Variants in SHC2 observed in about 807,000 individuals in gnomAD.
SHC2 encodes SHC-transforming protein 2.
Under a neutral mutation model 60.6 loss-of-function variants are expected in SHC2, and 62 were observed. That is an observed-to-expected ratio of 1.02 (90% CI 0.83 to 1.26). The LOEUF is 1.26. Among genes scored for constraint, SHC2 ranks in the 50% most tolerant of loss-of-function variants. SHC2 has a pLI of 0.00. For missense variants in SHC2, 873 were observed against 822.2 expected, an observed-to-expected ratio of 1.06 and a Z score of -0.76; for synonymous variants, 375 against 372.4, an observed-to-expected ratio of 1.01 and a Z score of -0.08.
intron 11 of SHC2, among the ~76,000 whole-genome samples, chr19:420,095 A>G (rs896304485): frequency 7.2e-5 from 11 of 152,322 alleles, no homozygotes; most frequent in African/African-American, 2.6e-4. Flanking sequence ...GACGTTCTGA[A>G]GCTTCTCCAG....
At chr19:450,481 G>A (rs1354249036) in intron 1 of SHC2, among the ~76,000 whole-genome samples, 1 of 151,456 alleles carries the variant, frequency 6.6e-6, no homozygotes, top group Non-Finnish European at 1.5e-5. Flanking sequence ...AACTCAAACT[G>A]ACCCCACAAA....
At position 446,575 on chromosome 19, in the gene SHC2, G is replaced by A. The variant is rs1271628275; in HGVS notation, c.469-5643C>T. Among the ~76,000 whole-genome samples the A allele has an allele frequency of 6.6e-6, 1 of 152,154 alleles. No individual in the cohort carries two copies. The highest frequency in any genetic ancestry group is 2.4e-5 in the African/African-American group (1 of 41,428). ...CCGCCTCGGTCTCCCAAAGTGCTGG[G>A]ACTACAGGCGTGAGTCACCGCGCCC... On this transcript the variant is annotated intron_variant, in intron 1 of 12. Coordinates refer to ENST00000264554, the MANE Select transcript of SHC2 (RefSeq NM_012435.3). This position sits in a 1 kb window ranked among gnomAD's most constrained non-coding sequence, Gnocchi z 5.4.
chr19:446,663 C>T lies in SHC2; in HGVS notation c.469-5731G>A, dbSNP rs1600313482. Among the ~76,000 whole-genome samples, 1 of 152,270 alleles carries T rather than the reference C, an allele frequency of 6.6e-6. No homozygotes were observed. Among genetic ancestry groups the T allele is most frequent in the South Asian group, 2.1e-4 (1 of 4,820 alleles). On this transcript the variant is annotated intron_variant, in intron 1 of 12. Transcript: ENST00000264554. The surrounding 1 kb of genome is among the most constrained non-coding windows in gnomAD (Gnocchi z 5.4). ...GGTTTGTGGTGGCAGCCCCGGGACC[C>T]TCCCACAGAAGATGGGGAGGAGCCC...
chr19:443,270 G>C (rs187693005), intron 1 of SHC2, among the ~76,000 whole-genome samples: 428 of 146,872 alleles, frequency 2.9e-3, no homozygotes, highest in Non-Finnish European at 5.0e-3. Flanking sequence ...GGATGGATGG[G>C]TGGGTGGATG....
rs1374421565 is a variant in SHC2, at chr19:434,835, C to A, written c.984G>T (p.Gly328=). 1 of 1,612,136 alleles carries A rather than the reference C, an allele frequency of 6.2e-7. No individual in the cohort carries two copies. Among genetic ancestry groups the A allele is most frequent in the South Asian group, 1.1e-5 (1 of 91,070 alleles). Residue 328 remains glycine (G), a synonymous_variant, in exon 8 of 13, where the codon GGG becomes GGT. Transcript: ENST00000264554. ...RLAGPEESAW[G]DEEDSLEHNY... ...TGTGCTCCAAAGAGTCCTCCTCGTC[C>A]CCCCAGGCCGACTCCTCCGGCCCTG...
intron 1 of SHC2, among the ~76,000 whole-genome samples, chr19:443,333 G>GATGGATGT: frequency 6.7e-6 from 1 of 150,122 alleles, no homozygotes; most frequent in South Asian, 2.1e-4. Flanking sequence ...TGGATGGATG[G>GATGGATGT]GTGGATGGAT....
intron 1 of SHC2, among the ~76,000 whole-genome samples, chr19:444,715 G>T (rs1006249626): frequency 1.3e-5 from 2 of 152,212 alleles, no homozygotes; most frequent in African/African-American, 4.8e-5. Flanking sequence ...CGCTTGTCAC[G>T]TGTAAGTCTC....
intron 1 of SHC2, among the ~76,000 whole-genome samples, chr19:458,766 G>C (rs1305018855): frequency 7.0e-6 from 1 of 142,712 alleles, no homozygotes; most frequent in East Asian, 2.0e-4. Context: ...CCGGGGAGGC[G>C]GAGGCGGGTT....
At chr19:447,973 C>T (rs1975088833) in intron 1 of SHC2, among the ~76,000 whole-genome samples, 1 of 152,232 alleles carries the variant, frequency 6.6e-6, no homozygotes, top group African/African-American at 2.4e-5. Context: ...ACAGTGTCAA[C>T]ATCTGTCTCC....
At position 422,325 on chromosome 19, in the gene SHC2, G is replaced by A. The variant is rs1391306254; in HGVS notation, c.1441C>T (p.Gln481Ter). The change falls in exon 11 of 13, where the codon CAG (glutamine) becomes TAG (stop). Residue 481 changes from glutamine to a stop codon, truncating the protein, a stop_gained. Transcript: ENST00000264554. LOFTEE classifies it high-confidence loss of function. The surrounding 1 kb of genome is among the most constrained non-coding windows in gnomAD (Gnocchi z 5.0). ...TGGTACCAGGGCTCCTGACGCAGCT[G>A]TTCCTCCGTGGGGGCCACAGGGGCC... is the stretch of plus-strand genomic sequence containing the variant. ...RRAPVAPTEE[Q>*]LRQEPWYHGR... is the part of the protein sequence containing the mutation. The A allele has an allele frequency of 1.2e-6, 2 of 1,610,774 alleles. No individual in the cohort carries two copies. The highest frequency in any genetic ancestry group is 2.2e-5 in the East Asian group (1 of 44,804).
At chr19:442,810 A>ATGG (rs1974924126) in intron 1 of SHC2, among the ~76,000 whole-genome samples, 2 of 14,526 alleles carry the variant, frequency 1.4e-4, no homozygotes, top group East Asian at 2.5e-3. Context: ...TGGGTGGATG[A>ATGG]GTGGATGGGT....
In SHC2 at chr19:422,745, T is replaced by C. The variant is rs1197640058; in HGVS notation, c.1310-289A>G. 2 of 321,326 alleles carry C rather than the reference T, an allele frequency of 6.2e-6. No homozygotes were observed. Among genetic ancestry groups the C allele is most frequent in the Non-Finnish European group, 1.1e-5 (2 of 175,958 alleles). 19.9% of individuals were successfully genotyped at this position (321,326 alleles called of 1,614,324 possible). A position where few individuals can be genotyped will look rare whatever the true frequency, so the allele number is the denominator to read the frequency against. On this transcript the variant is annotated intron_variant, in intron 10 of 12. Transcript: ENST00000264554. The surrounding 1 kb of genome is among the most constrained non-coding windows in gnomAD (Gnocchi z 5.0). ...TTTCAGAGGTTAACTCCTATTTCTT[T>C]TTCCTGCCTTGTCAGGTGGGCTTCC...
intron 1 of SHC2, among the ~76,000 whole-genome samples, chr19:448,761 A>T (rs1975106658): frequency 6.6e-6 from 1 of 152,164 alleles, no homozygotes. Context: ...AGGCAGACAC[A>T]AACTGAGGGA....
At position 440,798 on chromosome 19, in the gene SHC2, C is replaced by T; in HGVS notation, c.539+64G>A. 1 of 1,418,454 alleles carries T rather than the reference C, an allele frequency of 7.0e-7. No individual in the cohort carries two copies. The highest frequency in any genetic ancestry group is 9.9e-7 in the Non-Finnish European group (1 of 1,013,568). The allele number at this position is 1,418,454 out of a possible 1,614,324, so 87.9% of individuals were successfully genotyped here. ...CGGAGAGCCCATCGCTGCCGCCCTCCAGTGCTGCCGCCCTCCAGTGCGTCA... is the reference window on the plus strand; with the variant it reads ...CGGAGAGCCCATCGCTGCCGCCCTCTAGTGCTGCCGCCCTCCAGTGCGTCA... On this transcript the variant is annotated intron_variant, in intron 2 of 12. Coordinates refer to ENST00000264554, the MANE Select transcript of SHC2 (RefSeq NM_012435.3). The surrounding 1 kb of genome is among the most constrained non-coding windows in gnomAD (Gnocchi z 7.0).
Position 429,985 on chromosome 19 carries a change from C to T in SHC2, c.1174+699G>A, listed in dbSNP as rs535475987. Among the ~76,000 whole-genome samples, 21 of 138,576 alleles carry T rather than the reference C, an allele frequency of 1.5e-4. No homozygotes were observed. In the East Asian group the frequency reaches 3.7e-3, roughly 25 times the overall value. The allele number at this position is 138,576 out of a possible 152,430, so 90.9% of individuals were successfully genotyped here. A position where few individuals can be genotyped will look rare whatever the true frequency, so the allele number is the denominator to read the frequency against. ...CCATGTGGATGACGCAGTACCTATA[C>T]CCAACATGCACGGAAACCTAACACC... On this transcript the variant is annotated intron_variant, in intron 9 of 12. Coordinates refer to ENST00000264554, the MANE Select transcript of SHC2 (RefSeq NM_012435.3).
intron 7 of SHC2, among the ~76,000 whole-genome samples, chr19:435,310 AG>A (rs1327801001): frequency 6.6e-6 from 1 of 152,234 alleles, no homozygotes; most frequent in Non-Finnish European, 1.5e-5. Flanking sequence ...CGAGAGCCAG[AG>A]GGGTGCACCC....
At chr19:454,059 G>C (rs988845911) in intron 1 of SHC2, among the ~76,000 whole-genome samples, 1 of 152,208 alleles carries the variant, frequency 6.6e-6, no homozygotes, top group African/African-American at 2.4e-5. Flanking sequence ...TCAGATCTAC[G>C]CCTTCGGGTG....
chr19:427,771 G>A (rs1731465206), intron 9 of SHC2, among the ~76,000 whole-genome samples: 1 of 85,124 alleles, frequency 1.2e-5, no homozygotes, highest in Non-Finnish European at 2.3e-5. Context: ...AATTGCGCAC[G>A]GCACAGGTAA....
At position 438,234 on chromosome 19, in the gene SHC2, C is replaced by T. The variant is rs548342588; in HGVS notation, c.720+484G>A. 6.6e-6 allele frequency among the ~76,000 whole-genome samples: 1 copy of T among 152,380 alleles called. No homozygotes were observed. Among genetic ancestry groups the T allele is most frequent in the African/African-American group, 2.4e-5 (1 of 41,592 alleles). On this transcript the variant is annotated intron_variant, in intron 4 of 12. Transcript: ENST00000264554. The surrounding 1 kb of genome is among the most constrained non-coding windows in gnomAD (Gnocchi z 5.0). ...TCAAGTGATCTGCCCACCCCTCAGC[C>T]TCCCAAAGTGCTGGGGTTACAGGCG...
Sources: gnomAD v4.1 joint callset for allele counts (sites outside exome capture counted in the v4.1 genomes callset) on GRCh38, gnomAD v4.1.1 for gene constraint, Gnocchi (gnomAD v3.1) non-coding constraint, MANE v1.5 for transcripts, NCBI Gene and HGNC (gene_info 2026-07-23, HGNC 2026-07-21) for gene names.